CFAP54: variants seen among roughly 807,000 people sequenced by gnomAD.
CFAP54 encodes cilia and flagella associated protein 54.
Under a neutral mutation model 370.4 loss-of-function variants are expected in CFAP54, and 290 were observed. The observed-to-expected ratio is 0.78, with a 90% confidence interval of 0.71 to 0.86. The LOEUF (loss-of-function observed/expected upper bound fraction) is 0.86. Ranked by LOEUF, CFAP54 falls within the 40% of genes least tolerant of loss-of-function variation. The pLI is 0.00. For synonymous variants in CFAP54, 1,206 were observed against 1,236.5 expected (o/e 0.98, Z 0.52); for missense variants, 3,399 against 3,528.7 (o/e 0.96, Z 0.93).
chr12:96,598,375 C>T (rs1306212745), intron 25 of CFAP54, among the ~76,000 whole-genome samples: 7 of 151,928 alleles, frequency 4.6e-5, no homozygotes, highest in Admixed American at 4.6e-4. Flanking sequence ...TGATACTTAT[C>T]AAAATATGCT....
intron 60 of CFAP54, among the ~76,000 whole-genome samples, chr12:96,768,710 CAAAA>C (rs1178623751): frequency 6.6e-6 from 1 of 151,866 alleles, no homozygotes; most frequent in Non-Finnish European, 1.5e-5. Flanking sequence ...CAAAAACAAA[CAAAA>C]AAAGAAGCAG....
At chr12:96,746,017 G>A (rs551767737) in intron 55 of CFAP54, among the ~76,000 whole-genome samples, 203 of 152,206 alleles carry the variant, frequency 1.3e-3, no homozygotes, top group African/African-American at 4.7e-3. Flanking sequence ...AATGACTCCA[G>A]CCTCCTTCTG....
chr12:96,499,736 A>G (rs1477127213), intron 1 of CFAP54, among the ~76,000 whole-genome samples: 1 of 152,100 alleles, frequency 6.6e-6, no homozygotes, highest in Non-Finnish European at 1.5e-5. Flanking sequence ...ACCTGAGGTC[A>G]GGAGTTTGAG....
intron 60 of CFAP54, among the ~76,000 whole-genome samples, chr12:96,771,391 G>A (rs1188170922): frequency 6.6e-6 from 1 of 152,202 alleles, no homozygotes; most frequent in Admixed American, 6.5e-5. Context: ...AGTGGCTCAC[G>A]CCTGTAATCC....
chr12:96,556,640 A>G (rs1237240860), intron 17 of CFAP54, among the ~76,000 whole-genome samples: 1 of 152,186 alleles, frequency 6.6e-6, no homozygotes, highest in Non-Finnish European at 1.5e-5. Flanking sequence ...TAGCAAAGAC[A>G]TGGAATTAAC....
intron 26 of CFAP54, among the ~76,000 whole-genome samples, chr12:96,614,382 T>C (rs529077150): frequency 7.9e-4 from 121 of 152,258 alleles, no homozygotes; most frequent in African/African-American, 2.7e-3. Context: ...TAAGAGCTAT[T>C]TATGACAAAC....
At chr12:96,664,705 A>ATATATC (rs1565934174) in intron 39 of CFAP54, among the ~76,000 whole-genome samples, 1 of 21,834 alleles carries the variant, frequency 4.6e-5, no homozygotes, top group Non-Finnish European at 7.6e-5. Context: ...ATCTATATAT[A>ATATATC]TATATATATC....
At chr12:96,821,753 A>G (rs1959038170) in intron 65 of CFAP54, among the ~76,000 whole-genome samples, 1 of 150,584 alleles carries the variant, frequency 6.6e-6, no homozygotes, top group African/African-American at 2.4e-5. Flanking sequence ...GATAAATTCC[A>G]TTGACTAAAT....
At chr12:96,858,452 A>C (rs1959776197) in intron 66 of CFAP54, among the ~76,000 whole-genome samples, 1 of 151,944 alleles carries the variant, frequency 6.6e-6, no homozygotes, top group African/African-American at 2.4e-5. Flanking sequence ...TTGTCTGTTT[A>C]CTCTTATAGT....
chr12:96,824,232 A>G (rs1212676751), intron 65 of CFAP54, among the ~76,000 whole-genome samples: 2 of 152,128 alleles, frequency 1.3e-5, no homozygotes, highest in African/African-American at 2.4e-5. Flanking sequence ...TCACACAAGG[A>G]ACTCACAGCC....
chr12:96,685,541 T>A (rs1957319823), intron 42 of CFAP54, among the ~76,000 whole-genome samples: 1 of 115,992 alleles, frequency 8.6e-6, no homozygotes, highest in South Asian at 3.4e-4. Flanking sequence ...CTACTTGTTT[T>A]TTTTGTTGTT....
In CFAP54 at chr12:96,535,605, A is replaced by G; in HGVS notation, c.1791+5A>G. 6.6e-7 allele frequency: 1 copy of G among 1,523,702 alleles called. No individual in the cohort carries two copies. The highest frequency in any genetic ancestry group is 8.8e-7 in the Non-Finnish European group (1 of 1,137,852). 94.4% of individuals were successfully genotyped at this position (1,523,702 alleles called of 1,614,324 possible). A position where few individuals can be genotyped will look rare whatever the true frequency, so the allele number is the denominator to read the frequency against. On this transcript the variant is annotated splice_donor_5th_base_variant and intron_variant, in intron 12 of 67. Transcript: ENST00000524981. ...TGTGTCTGCACTGCTCCCCAGGTGA[A>G]ATAGCTATTTTAAATAATTTTTATT... is the stretch of plus-strand genomic sequence containing the variant.
At chr12:96,815,559 A>G (rs531285562) in intron 64 of CFAP54, among the ~76,000 whole-genome samples, 121 of 152,290 alleles carry the variant, frequency 7.9e-4, no homozygotes, top group Middle Eastern at 3.4e-3. Context: ...GAAACTCTTT[A>G]GTTTAATTAG....
intron 66 of CFAP54, among the ~76,000 whole-genome samples, chr12:96,839,063 G>A (rs940344020): frequency 1.3e-5 from 2 of 152,190 alleles, no homozygotes; most frequent in African/African-American, 4.8e-5. Flanking sequence ...CCCTGAGAGA[G>A]AGTTAGAACC....
At chr12:96,597,152 C>T (rs980152888) in intron 25 of CFAP54, among the ~76,000 whole-genome samples, 1 of 151,920 alleles carries the variant, frequency 6.6e-6, no homozygotes, top group Non-Finnish European at 1.5e-5. Context: ...ACGGTAGTCC[C>T]TCTGCTAGTA....
intron 16 of CFAP54, 28 bp downstream of exon 16, chr12:96,554,338 T>C (rs1397671166): frequency 1.4e-6 from 2 of 1,475,978 alleles, no homozygotes; most frequent in Admixed American, 2.6e-5. Flanking sequence ...TTAAATTAGA[T>C]TGAAGTTTTA....
chr12:96,539,458 G>A (rs1029975424), intron 13 of CFAP54, among the ~76,000 whole-genome samples: 3 of 151,882 alleles, frequency 2.0e-5, no homozygotes, highest in African/African-American at 4.8e-5. Context: ...TGGATCACCC[G>A]AGGTCAGGAG....
intron 66 of CFAP54, among the ~76,000 whole-genome samples, chr12:96,859,240 T>C (rs1403042613): frequency 1.3e-5 from 2 of 152,158 alleles, no homozygotes. Context: ...ATTTATACCA[T>C]ATACAAAAAT....
intron 55 of CFAP54, among the ~76,000 whole-genome samples, chr12:96,750,283 CCTGCAGCA>C (rs2136652411): frequency 6.7e-6 from 1 of 148,752 alleles, no homozygotes; most frequent in African/African-American, 2.4e-5. Context: ...CCACCTGTCT[CCTGCAGCA>C]GCAGCAGCAG....
Sources: gnomAD v4.1 joint callset for allele counts (sites outside exome capture counted in the v4.1 genomes callset) on GRCh38, gnomAD v4.1.1 for gene constraint, MANE v1.5 for transcripts, NCBI Gene and HGNC (gene_info 2026-07-23, HGNC 2026-07-21) for gene names.